Variants in SSH2 observed in about 807,000 individuals in gnomAD.
The protein encoded by SSH2 is slingshot protein phosphatase 2, also known as protein phosphatase Slingshot homolog 2.
A neutral mutation model predicts 135.2 loss-of-function variants in SSH2; 37 were observed. That is an observed-to-expected ratio of 0.27 (90% CI 0.21 to 0.36). The LOEUF (loss-of-function observed/expected upper bound fraction) is 0.36. SSH2 is among the 10% of genes least tolerant of loss of function. The pLI, the probability that SSH2 is intolerant of heterozygous loss-of-function variation, is 1.00. For missense variants in SSH2, 1,408 were observed against 1,765.3 expected (o/e 0.80, Z 3.63); for synonymous variants, 628 against 646.2 (o/e 0.97, Z 0.43).
intron 1 of SSH2, among the ~76,000 whole-genome samples, chr17:29,886,726 G>T (rs185095604): frequency 7.1e-5 from 10 of 139,996 alleles, no homozygotes; most frequent in Non-Finnish European, 1.5e-4. Flanking sequence ...CAGCCTGGGC[G>T]ACAGAGAAAG....
intron 2 of SSH2, among the ~76,000 whole-genome samples, chr17:29,847,478 GT>G (rs145657605): frequency 1.3e-5 from 2 of 152,192 alleles, no homozygotes; most frequent in South Asian, 4.2e-4. Context: ...ACCCCCTCAG[GT>G]TTTTTTGAGG....
Position 29,631,255 on chromosome 17 carries a change from G to C in SSH2, c.3939C>G (p.Leu1313=), listed in dbSNP as rs757949549. The change falls in exon 16 of 16, where the codon CTC becomes CTG. Residue 1313 remains leucine (L), a synonymous_variant. Coordinates refer to ENST00000540801, the MANE Select transcript of SSH2 (RefSeq NM_001282129.2). The stretch of plus-strand genomic sequence containing the variant: ...TTCTGAGGAAAGGCTGAAGCAGTTT[G>C]AGATGAGGGGATTCACAGGAGGCAG... ...REPASCESPH[L]KLLQPFLRTD... 3.1e-6 allele frequency: 5 copies of C among 1,614,088 alleles called. No homozygotes were observed. In the East Asian group the frequency reaches 1.1e-4, roughly 36 times the overall value.
At chr17:29,885,867 T>C (rs776754623) in intron 1 of SSH2, among the ~76,000 whole-genome samples, 5 of 152,190 alleles carry the variant, frequency 3.3e-5, no homozygotes, top group Non-Finnish European at 5.9e-5. Flanking sequence ...CTCTTCCTTA[T>C]TCTTCCACCA....
chr17:29,729,071 G>A (rs1176421246), intron 3 of SSH2, among the ~76,000 whole-genome samples: 1 of 152,026 alleles, frequency 6.6e-6, no homozygotes, highest in African/African-American at 2.4e-5. Context: ...AAAAGCCTCT[G>A]CACAGCAAAG....
intron 5 of SSH2, among the ~76,000 whole-genome samples, chr17:29,694,063 C>T (rs1180388764): frequency 6.6e-6 from 1 of 151,506 alleles, no homozygotes; most frequent in African/African-American, 2.5e-5. Context: ...AATTCATAAA[C>T]TTTCTGAAAA....
Position 29,879,893 on chromosome 17 carries a change from C to T in SSH2, c.64-30964G>A, listed in dbSNP as rs781282222. On this transcript the variant is annotated intron_variant, in intron 1 of 15. Transcript: ENST00000540801. ...TAATGTTGGGCATACTAAATTTTGA[C>T]ACCTAAAGATGTAAGAGACTAGAAT... 9.2e-5 allele frequency among the ~76,000 whole-genome samples: 14 copies of T among 152,048 alleles called. No individual in the cohort carries two copies. The South Asian group carries it at 2.1e-3, about 23-fold the overall frequency.
intron 3 of SSH2, among the ~76,000 whole-genome samples, chr17:29,724,980 A>C (rs1159363498): frequency 6.6e-6 from 1 of 152,038 alleles, no homozygotes; most frequent in African/African-American, 2.4e-5. Flanking sequence ...TTCATTCAAC[A>C]GGTATTTGTT....
intron 4 of SSH2, 109 bp from the exon 5 acceptor site, chr17:29,695,632 G>A: frequency 3.5e-6 from 3 of 848,860 alleles, no homozygotes; most frequent in Non-Finnish European, 1.9e-6. Flanking sequence ...ATTCATTAAA[G>A]GACTCTAATT....
chr17:29,859,404 A>C (rs2065721386), intron 1 of SSH2, among the ~76,000 whole-genome samples: 2 of 151,740 alleles, frequency 1.3e-5, no homozygotes, highest in African/African-American at 4.8e-5. Flanking sequence ...CAGGTATTAA[A>C]CCTAGGACTC....
At chr17:29,742,415 C>A (rs2040590436) in intron 3 of SSH2, among the ~76,000 whole-genome samples, 1 of 148,312 alleles carries the variant, frequency 6.7e-6, no homozygotes, top group Admixed American at 6.8e-5. Flanking sequence ...ACCTCCTGGG[C>A]TCAAACAATC....
At chr17:29,739,368 GC>G (rs1390286061) in intron 3 of SSH2, among the ~76,000 whole-genome samples, 1 of 152,136 alleles carries the variant, frequency 6.6e-6, no homozygotes, top group Non-Finnish European at 1.5e-5. Flanking sequence ...CTCAACAACA[GC>G]CCCTGCCTTT....
chr17:29,794,022 A>T, intron 2 of SSH2, 85 bp from the exon 3 acceptor site: 1 of 1,086,322 alleles, frequency 9.2e-7, no homozygotes, highest in East Asian at 2.4e-5. Context: ...TAAGTTTCAC[A>T]TGTTGTGTAC....
chr17:29,633,459 C>T (rs2035774577), intron 15 of SSH2, among the ~76,000 whole-genome samples: 1 of 152,222 alleles, frequency 6.6e-6, no homozygotes, highest in Non-Finnish European at 1.5e-5. Context: ...TGGAGACTCA[C>T]TGCTCTCTTT....
chr17:29,723,674 CTG>C (rs1412367903), intron 3 of SSH2, among the ~76,000 whole-genome samples: 2 of 138,336 alleles, frequency 1.4e-5, no homozygotes, highest in East Asian at 4.3e-4. Context: ...TGATATTATT[CTG>C]TGTTTTCAAT....
chr17:29,674,398 G>A (rs35057416), intron 8 of SSH2, among the ~76,000 whole-genome samples: 2,711 of 152,286 alleles, frequency 0.018, 35 homozygotes, highest in Non-Finnish European at 0.027. Context: ...GATGCCTAAT[G>A]CATGTTTCTT....
In SSH2 at chr17:29,632,714, G is replaced by T. The variant is rs1299707190; in HGVS notation, c.2480C>A (p.Pro827His). 3 of 1,614,140 alleles carry T rather than the reference G, an allele frequency of 1.9e-6. No individual in the cohort carries two copies. Among genetic ancestry groups the T allele is most frequent in the South Asian group, 1.1e-5 (1 of 91,080 alleles). ...LERAQTPENK[P>H]GHMEQDEDSC... is the part of the protein sequence containing the mutation. ...GTCCTCATCTTGCTCCATATGTCCA[G>T]GTTTGTTCTCTGGAGTCTGGGCCCT... is the stretch of plus-strand genomic sequence containing the variant. Residue 827 changes from proline to histidine, a missense_variant, in exon 16 of 16, where the codon CCT becomes CAT. This residue lies in a region of SSH2 where 1,080 missense variants were observed against 1,144.5 expected (regional missense o/e 0.94). Transcript: ENST00000540801.
rs140627646 is a variant in SSH2, at chr17:29,632,770, C to T, written c.2424G>A (p.Lys808=). The change falls in exon 16 of 16, where the codon AAG becomes AAA. Residue 808 remains lysine (K), a synonymous_variant. Coordinates refer to ENST00000540801, the MANE Select transcript of SSH2 (RefSeq NM_001282129.2). ...GGAGCAGCTCATGGATGCTGTTCTT[C>T]TTTGGTGTATGGCATGGGTTGGGTA... ...DILPNPCHTP[K]KNSIHELLLE... The T allele has an allele frequency of 5.0e-6, 8 of 1,614,180 alleles. No homozygotes were observed. The Admixed American group carries it at 5.0e-5, about 10-fold the overall frequency.
intron 3 of SSH2, among the ~76,000 whole-genome samples, chr17:29,706,094 T>C (rs2039189539): frequency 2.0e-5 from 3 of 152,184 alleles, no homozygotes; most frequent in Admixed American, 1.3e-4. Flanking sequence ...TTTTCCACAC[T>C]GTATGTCTGT....
At chr17:29,832,038 G>A (rs1438113723) in intron 2 of SSH2, among the ~76,000 whole-genome samples, 2 of 152,186 alleles carry the variant, frequency 1.3e-5, no homozygotes, top group African/African-American at 2.4e-5. Context: ...TGCCGCAACT[G>A]TACCTATTAT....
Sources: allele counts gnomAD v4.1 joint callset (sites outside exome capture counted in the v4.1 genomes callset), GRCh38; gene constraint gnomAD v4.1.1; regional missense constraint gnomAD v4.1.1; transcripts MANE v1.5; gene names NCBI Gene and HGNC (gene_info 2026-07-23, HGNC 2026-07-21).